NPAS3: variants seen among roughly 807,000 people sequenced by gnomAD.
The protein encoded by NPAS3 is neuronal PAS domain-containing protein 3.
Under a neutral mutation model 73.1 loss-of-function variants are expected in NPAS3, and 14 were observed. That is an observed-to-expected ratio of 0.19 (90% confidence interval 0.13 to 0.30). The LOEUF is 0.30. Ranked by LOEUF, NPAS3 falls within the 10% of genes least tolerant of loss-of-function variation. The pLI, the probability that NPAS3 is intolerant of heterozygous loss-of-function variation, is 1.00. For missense variants in NPAS3, 1,096 were observed against 1,250.0 expected (o/e 0.88, Z 1.86); for synonymous variants, 620 against 541.5 (o/e 1.14, Z -2.01).
chr14:33,801,756 A>C (rs1183085089), downstream of NPAS3: 1 of 152,570 alleles, frequency 6.6e-6, no homozygotes, highest in African/African-American at 2.4e-5. Flanking sequence ...GTCGGACTAA[A>C]TGTTAATTAC....
chr14:33,536,193 A>C (rs192660433), intron 4 of NPAS3, among the ~76,000 whole-genome samples: 1 of 152,218 alleles, frequency 6.6e-6, no homozygotes, highest in East Asian at 1.9e-4. Flanking sequence ...GAGCTGTTTG[A>C]TTCATAAATA....
chr14:33,116,407 TTAAG>T (rs1435673573), intron 2 of NPAS3, among the ~76,000 whole-genome samples: 1 of 152,154 alleles, frequency 6.6e-6, no homozygotes, highest in Non-Finnish European at 1.5e-5. Context: ...GGAATCAAAT[TTAAG>T]TAAGTTTACT....
chr14:33,782,030 C>T lies in NPAS3; in HGVS notation c.1153+3458C>T, dbSNP rs189252451. 1.7e-4 allele frequency among the ~76,000 whole-genome samples: 26 copies of T among 152,282 alleles called. No individual in the cohort carries two copies. The East Asian group carries it at 2.7e-3, about 16-fold the overall frequency. ...GAATCAGTAAGAATCACATTATTGACGCCAACATGGTATGTTAGTGAAACT... is the reference window on the plus strand; with the variant it reads ...GAATCAGTAAGAATCACATTATTGATGCCAACATGGTATGTTAGTGAAACT... On this transcript the variant is annotated intron_variant, in intron 9 of 11. Transcript: ENST00000356141.
intron 6 of NPAS3, among the ~76,000 whole-genome samples, chr14:33,727,181 G>A (rs957384039): frequency 7.1e-6 from 1 of 140,246 alleles, no homozygotes; most frequent in African/African-American, 2.7e-5. Flanking sequence ...CGGTTCAGCT[G>A]GATACTGGCA....
chr14:33,631,492 G>T lies in NPAS3; in HGVS notation c.559-44719G>T, dbSNP rs2058375573. On this transcript the variant is annotated intron_variant, in intron 5 of 11. Coordinates refer to ENST00000356141, the Ensembl canonical transcript of NPAS3. ...GCCGTACCAGTTTAAACAGTCTGCT[G>T]CAAGAAATATTGACAGGTCAAGTAC... Among the ~76,000 whole-genome samples the T allele has an allele frequency of 3.9e-5, 6 of 152,312 alleles. No homozygotes were observed. The South Asian group carries it at 1.2e-3, about 32-fold the overall frequency.
intron 2 of NPAS3, among the ~76,000 whole-genome samples, chr14:33,075,444 T>A (rs928635026): frequency 3.3e-5 from 5 of 152,252 alleles, no homozygotes; most frequent in Admixed American, 3.3e-4. Flanking sequence ...TTCATGATGT[T>A]TGTTTATAAA....
chr14:33,669,099 T>A (rs1160093852), intron 5 of NPAS3, among the ~76,000 whole-genome samples: 1 of 151,972 alleles, frequency 6.6e-6, no homozygotes, highest in Admixed American at 6.6e-5. Context: ...TTGGTCTCCT[T>A]ACCACCAAGG....
chr14:33,537,819 T>C (rs1231162792), intron 4 of NPAS3, among the ~76,000 whole-genome samples: 1 of 152,146 alleles, frequency 6.6e-6, no homozygotes, highest in African/African-American at 2.4e-5. Context: ...AGTGCTCTTT[T>C]GAGAGGCAAG....
chr14:33,231,910 C>T (rs1348380614), intron 3 of NPAS3, among the ~76,000 whole-genome samples: 2 of 152,174 alleles, frequency 1.3e-5, no homozygotes, highest in African/African-American at 2.4e-5. Flanking sequence ...TCCATTCATA[C>T]TAGCCTCTGT....
At chr14:33,139,511 A>G (rs1225725052) in intron 2 of NPAS3, among the ~76,000 whole-genome samples, 1 of 152,130 alleles carries the variant, frequency 6.6e-6, no homozygotes, top group Admixed American at 6.6e-5. Context: ...GAAGATGTGG[A>G]CGGGGTGGAG....
At chr14:33,783,215 G>A (rs570798338) in intron 9 of NPAS3, among the ~76,000 whole-genome samples, 4 of 152,300 alleles carry the variant, frequency 2.6e-5, no homozygotes, top group East Asian at 3.9e-4. Flanking sequence ...ACACAGAAAC[G>A]GAAGCTGCAA....
At chr14:33,730,643 C>T (rs1313133300) in intron 6 of NPAS3, among the ~76,000 whole-genome samples, 4 of 152,258 alleles carry the variant, frequency 2.6e-5, no homozygotes, top group East Asian at 1.9e-4. Context: ...TCCCTAACTC[C>T]GTGTGGCTGA....
At chr14:33,324,145 G>T (rs1176712702) in intron 3 of NPAS3, among the ~76,000 whole-genome samples, 1 of 152,154 alleles carries the variant, frequency 6.6e-6, no homozygotes, top group East Asian at 1.9e-4. Context: ...TGCCAAAATG[G>T]CTGTCCTTCC....
Position 33,182,720 on chromosome 14 carries a change from G to A in NPAS3, c.141-32462G>A, listed in dbSNP as rs1200955802. 6.6e-5 allele frequency among the ~76,000 whole-genome samples: 10 copies of A among 152,146 alleles called. No individual in the cohort carries two copies. In the East Asian group the frequency reaches 9.7e-4, roughly 15 times the overall value. ...CATGGGGTTCTGGTTCTGCCCAGCC[G>A]GTCCTTCATCATTTCTCTCTACTCT... On this transcript the variant is annotated intron_variant, in intron 2 of 11. Coordinates refer to ENST00000356141, the Ensembl canonical transcript of NPAS3.
chr14:33,588,798 G>A (rs764399153), intron 5 of NPAS3, among the ~76,000 whole-genome samples: 4 of 152,070 alleles, frequency 2.6e-5, no homozygotes, highest in South Asian at 2.1e-4. Context: ...TGCATTTTTA[G>A]TAGCGACTGG....
intron 7 of NPAS3, among the ~76,000 whole-genome samples, chr14:33,745,999 T>C (rs534984210): frequency 1.3e-5 from 2 of 152,120 alleles, no homozygotes; most frequent in African/African-American, 4.8e-5. Context: ...ATGGAGTTTC[T>C]AAGCCTCCTA....
At chr14:33,546,304 G>C (rs1335402488) in intron 4 of NPAS3, among the ~76,000 whole-genome samples, 2 of 152,204 alleles carry the variant, frequency 1.3e-5, no homozygotes, top group Non-Finnish European at 2.9e-5. Flanking sequence ...GTGGTGAGAA[G>C]AGTCCTAATA....
At chr14:33,024,918 A>G (rs1277661385) in intron 1 of NPAS3, among the ~76,000 whole-genome samples, 1 of 152,224 alleles carries the variant, frequency 6.6e-6, no homozygotes, top group African/African-American at 2.4e-5. Context: ...TGTTTTTAAA[A>G]TCTAAGTTAT....
chr14:33,396,577 G>A (rs1267239278), intron 4 of NPAS3, among the ~76,000 whole-genome samples: 2 of 151,904 alleles, frequency 1.3e-5, no homozygotes, highest in African/African-American at 4.8e-5. Flanking sequence ...CACTATTCCT[G>A]GCCATTCTAT....
Sources: gnomAD v4.1 joint callset for allele counts (sites outside exome capture counted in the v4.1 genomes callset) on GRCh38, gnomAD v4.1.1 for gene constraint, MANE v1.5 for transcripts, NCBI Gene and HGNC (gene_info 2026-07-23, HGNC 2026-07-21) for gene names.